KREMEN1: variants seen among roughly 807,000 people sequenced by gnomAD.
The protein encoded by KREMEN1 is kremen protein 1.
KREMEN1 carries 30 observed loss-of-function variants against 46.5 expected under a neutral mutation model. The ratio of observed to expected loss-of-function variants is 0.65; its 90% CI spans 0.48 to 0.88. The LOEUF is 0.88. Ranked by LOEUF, KREMEN1 falls within the 40% of genes least tolerant of loss-of-function variation. The pLI, the probability that KREMEN1 is intolerant of heterozygous loss-of-function variation, is 0.00. For missense variants in KREMEN1, 533 were observed against 596.9 expected (o/e 0.89, Z 1.11); for synonymous variants, 214 against 230.6 (o/e 0.93, Z 0.65).
chr22:29,122,976 T>C (rs2038381637), intron 4 of KREMEN1, among the ~76,000 whole-genome samples: 1 of 149,084 alleles, frequency 6.7e-6, no homozygotes, highest in Non-Finnish European at 1.5e-5. Flanking sequence ...AGACATACTG[T>C]TATATACAAC....
chr22:29,084,379 A>G (rs1330875595), intron 1 of KREMEN1, among the ~76,000 whole-genome samples: 1 of 152,190 alleles, frequency 6.6e-6, no homozygotes, highest in Admixed American at 6.5e-5. Context: ...CTGCTGTTCA[A>G]GATGGAGTGG....
intron 9 of KREMEN1, among the ~76,000 whole-genome samples, chr22:29,156,259 G>A (rs1214460833): frequency 6.6e-6 from 1 of 152,256 alleles, no homozygotes; most frequent in Non-Finnish European, 1.5e-5. Context: ...CTTTGGGCCA[G>A]CAGAATGCTC....
intron 1 of KREMEN1, among the ~76,000 whole-genome samples, chr22:29,078,760 G>A (rs2037611088): frequency 6.6e-6 from 1 of 152,222 alleles, no homozygotes. Context: ...TGCCTTGAGT[G>A]TCTGCCGCCT....
At chr22:29,165,773 C>T (rs1186241083) in intron 9 of KREMEN1, among the ~76,000 whole-genome samples, 1 of 152,228 alleles carries the variant, frequency 6.6e-6, no homozygotes, top group African/African-American at 2.4e-5. Flanking sequence ...GAACCCCATT[C>T]AACGCTGGAC....
chr22:29,074,467 G>A lies in KREMEN1; in HGVS notation c.97+1240G>A, dbSNP rs551724417. On this transcript the variant is annotated intron_variant, in intron 1 of 8. Transcript: ENST00000400335. ...AGGTGAGGCCCTGGACCAGGATGAA[G>A]CTTGGCTTTTGCTTAACTTCCACAC... Among the ~76,000 whole-genome samples, 196 of 152,378 alleles carry A rather than the reference G, an allele frequency of 1.3e-3. 2 individuals carry two copies. Among genetic ancestry groups the A allele is most frequent in the Non-Finnish European group, 1.5e-3 (103 of 68,036 alleles).
intron 9 of KREMEN1, among the ~76,000 whole-genome samples, chr22:29,153,097 T>G (rs1056434171): frequency 1.3e-5 from 2 of 152,228 alleles, no homozygotes; most frequent in African/African-American, 4.8e-5. Flanking sequence ...TGCCATGGCA[T>G]TCATAAACTG....
intron 3 of KREMEN1, among the ~76,000 whole-genome samples, chr22:29,108,665 T>C (rs1284354040): frequency 6.6e-6 from 1 of 152,264 alleles, no homozygotes; most frequent in Non-Finnish European, 1.5e-5. Flanking sequence ...ACCTGCATTT[T>C]ATTTCTGCCC....
chr22:29,109,045 C>T (rs1303311675), intron 3 of KREMEN1, among the ~76,000 whole-genome samples: 3 of 152,196 alleles, frequency 2.0e-5, no homozygotes, highest in Non-Finnish European at 2.9e-5. Context: ...CCACCTCGGC[C>T]TCCCAAAGTA....
At chr22:29,132,532 A>T (rs7364125) in intron 5 of KREMEN1, among the ~76,000 whole-genome samples, 3,763 of 152,336 alleles carry the variant, frequency 0.025, 153 homozygotes, top group African/African-American at 0.086. Flanking sequence ...CTCCAGCTAC[A>T]GATACTTTTG....
chr22:29,109,649 C>T (rs2038112453), intron 3 of KREMEN1, among the ~76,000 whole-genome samples: 1 of 152,094 alleles, frequency 6.6e-6, no homozygotes, highest in Non-Finnish European at 1.5e-5. Context: ...ACCTGGAAAG[C>T]AAGAGTTAAT....
At chr22:29,118,962 T>C (rs1395024813) in intron 3 of KREMEN1, among the ~76,000 whole-genome samples, 1 of 152,036 alleles carries the variant, frequency 6.6e-6, no homozygotes, top group African/African-American at 2.4e-5. Flanking sequence ...TGGCTACAAA[T>C]TGGGGTTTCC....
rs1262323752 is a variant in KREMEN1, at chr22:29,073,926, G to A, written c.97+699G>A. The stretch of plus-strand genomic sequence containing the variant: ...TACAAGAGGCTATACGCCCCTCTCC[G>A]AGACCTCCAGCGACATCCCTCCCCT... On this transcript the variant is annotated intron_variant, in intron 1 of 8. Transcript: ENST00000400335. This position sits in a 1 kb window ranked among gnomAD's most constrained non-coding sequence, Gnocchi z 4.4. Among the ~76,000 whole-genome samples the A allele has an allele frequency of 6.6e-6, 1 of 151,864 alleles. No individual in the cohort carries two copies. Among genetic ancestry groups the A allele is most frequent in the Admixed American group, 6.6e-5 (1 of 15,256 alleles).
At chr22:29,098,608 A>C (rs911134426) in intron 2 of KREMEN1, among the ~76,000 whole-genome samples, 5 of 152,196 alleles carry the variant, frequency 3.3e-5, no homozygotes, top group African/African-American at 4.8e-5. Context: ...TAGTTATGCT[A>C]TAGTGAATTT....
In KREMEN1 at chr22:29,144,473, A is replaced by G. The variant is rs967892034; in HGVS notation, c.*2361A>G. 2 of 985,396 alleles carry G rather than the reference A, an allele frequency of 2.0e-6. No individual in the cohort carries two copies. The highest frequency in any genetic ancestry group is 2.4e-6 in the Non-Finnish European group (2 of 829,994). 61.0% of individuals were successfully genotyped at this position (985,396 alleles called of 1,614,324 possible). A position where few individuals can be genotyped will look rare whatever the true frequency, so the allele number is the denominator to read the frequency against. ...CACAGAGCTGCTCGGTGCAGCCTTCATGCTTTGATCTGGAAAGAGCAGCTG... is the reference window on the plus strand; with the variant it reads ...CACAGAGCTGCTCGGTGCAGCCTTCGTGCTTTGATCTGGAAAGAGCAGCTG... On this transcript the variant is annotated 3_prime_UTR_variant, in exon 9 of 9. Transcript: ENST00000400335.
At chr22:29,094,547 T>C in intron 2 of KREMEN1, 127 bp downstream of exon 2, 1 of 661,430 alleles carries the variant, frequency 1.5e-6, no homozygotes, top group Non-Finnish European at 2.5e-6. Flanking sequence ...ATCTTGTCAG[T>C]TTTAAAAATA....
At chr22:29,139,305 A>T (rs996846720) in intron 7 of KREMEN1, among the ~76,000 whole-genome samples, 4 of 152,216 alleles carry the variant, frequency 2.6e-5, no homozygotes, top group Non-Finnish European at 5.9e-5. Flanking sequence ...AGAGCTATGA[A>T]GAAAAGTCAT....
chr22:29,079,561 A>G (rs1177593095), intron 1 of KREMEN1, among the ~76,000 whole-genome samples: 1 of 152,252 alleles, frequency 6.6e-6, no homozygotes, highest in Non-Finnish European at 1.5e-5. Context: ...GTGTCACACC[A>G]CATTAGCAAC....
chr22:29,163,755 G>A (rs2039031464), intron 9 of KREMEN1, among the ~76,000 whole-genome samples: 1 of 152,106 alleles, frequency 6.6e-6, no homozygotes. Context: ...AGTAGACACT[G>A]GGGACTACTA....
At position 29,140,310 on chromosome 22, in the gene KREMEN1, C is replaced by T; in HGVS notation, c.1152C>T (p.Leu384=). ...PGWTVYGLAT[L]LILTVTAIVA... is the part of the protein sequence containing the mutation. ...GGACAGTCTATGGTCTGGCAACTCTCCTCATCCTCACAGTCACAGCCATTG... is the reference window on the plus strand; with the variant it reads ...GGACAGTCTATGGTCTGGCAACTCTTCTCATCCTCACAGTCACAGCCATTG... The change falls in exon 8 of 9, where the codon CTC becomes CTT. Residue 384 remains leucine, a synonymous_variant. Coordinates refer to ENST00000400335, the MANE Select transcript of KREMEN1 (RefSeq NM_001039570.3). 6.2e-7 allele frequency: 1 copy of T among 1,614,108 alleles called. No homozygotes were observed. The highest frequency in any genetic ancestry group is 1.1e-5 in the South Asian group (1 of 91,078).
Sources: gnomAD v4.1 joint callset for allele counts (sites outside exome capture counted in the v4.1 genomes callset) on GRCh38, gnomAD v4.1.1 for gene constraint, Gnocchi (gnomAD v3.1) non-coding constraint, MANE v1.5 for transcripts, NCBI Gene and HGNC (gene_info 2026-07-23, HGNC 2026-07-21) for gene names.